Variants in UBASH3B observed in about 807,000 individuals in gnomAD.
UBASH3B encodes the protein ubiquitin associated and SH3 domain containing B.
A neutral mutation model predicts 83.4 loss-of-function variants in UBASH3B; 37 were observed. That is an observed-to-expected ratio of 0.44 (90% CI 0.34 to 0.58). The LOEUF (loss-of-function observed/expected upper bound fraction) is 0.58, where lower values mean the gene tolerates loss of function less well. Ranked by LOEUF, UBASH3B falls within the 20% of genes least tolerant of loss-of-function variation. UBASH3B has a pLI of 0.01. For synonymous variants in UBASH3B, 304 were observed against 318.3 expected (o/e 0.96, Z 0.48); for missense variants, 657 against 827.2 (o/e 0.79, Z 2.52).
chr11:122,808,198 G>A (rs2135193939), intron 13 of UBASH3B, 22 bp downstream of exon 13: 2 of 1,596,696 alleles, frequency 1.3e-6, no homozygotes, highest in African/African-American at 2.7e-5. Flanking sequence ...TCGTACTTTG[G>A]GGTCCGTGAT....
chr11:122,794,236 C>T (rs936287569), intron 6 of UBASH3B, among the ~76,000 whole-genome samples: 2 of 152,032 alleles, frequency 1.3e-5, no homozygotes, highest in Non-Finnish European at 2.9e-5. Flanking sequence ...GACGGGGTTT[C>T]GCCGTATCGC....
At chr11:122,683,614 A>ATAATTAT (rs59877386) in intron 1 of UBASH3B, among the ~76,000 whole-genome samples, 1 of 148,676 alleles carries the variant, frequency 6.7e-6, no homozygotes, top group East Asian at 2.0e-4. Context: ...CAAAAAAAAA[A>ATAATTAT]AAAAATAATA....
At chr11:122,803,484 A>C (rs1446158783) in intron 11 of UBASH3B, among the ~76,000 whole-genome samples, 1 of 152,146 alleles carries the variant, frequency 6.6e-6, no homozygotes, top group Non-Finnish European at 1.5e-5. Context: ...TAGGGAAGCT[A>C]ACCAGGCTGG....
At chr11:122,688,624 TC>T (rs1565529492) in intron 1 of UBASH3B, among the ~76,000 whole-genome samples, 1 of 123,456 alleles carries the variant, frequency 8.1e-6, no homozygotes. Context: ...TTTTTTTCTT[TC>T]TTTTATTTTA....
chr11:122,789,041 C>T (rs1861004531), intron 5 of UBASH3B, 59 bp from the exon 6 acceptor site: 2 of 1,516,588 alleles, frequency 1.3e-6, no homozygotes, highest in Admixed American at 1.7e-5. Context: ...GTCCTGCCCT[C>T]AAGGCGCTCA....
chr11:122,700,321 G>A (rs1864025861), intron 1 of UBASH3B, among the ~76,000 whole-genome samples: 1 of 152,054 alleles, frequency 6.6e-6, no homozygotes, highest in Middle Eastern at 3.2e-3. Flanking sequence ...AGTTACACAT[G>A]GTGAGTCCAT....
chr11:122,731,378 A>C (rs747638874), intron 1 of UBASH3B, among the ~76,000 whole-genome samples: 1 of 152,164 alleles, frequency 6.6e-6, no homozygotes, highest in Non-Finnish European at 1.5e-5. Flanking sequence ...TTTTCACTTA[A>C]ATGGAGAACT....
intron 1 of UBASH3B, among the ~76,000 whole-genome samples, chr11:122,677,564 T>G (rs1432792426): frequency 6.6e-6 from 1 of 152,186 alleles, no homozygotes; most frequent in Non-Finnish European, 1.5e-5. Flanking sequence ...TGTGACTCCT[T>G]GGAGAGATAG....
At chr11:122,782,807 G>C in intron 4 of UBASH3B, 1 of 453,418 alleles carries the variant, frequency 2.2e-6, no homozygotes, top group Non-Finnish European at 3.9e-6. Context: ...ACTGCCCTCA[G>C]CTGACCCGCA....
At chr11:122,808,241 C>A in intron 13 of UBASH3B, 65 bp downstream of exon 13, 1 of 1,242,414 alleles carries the variant, frequency 8.0e-7, no homozygotes, top group Non-Finnish European at 1.2e-6. Context: ...CAGTGACTGG[C>A]TGATTACCAA....
chr11:122,729,975 TAAAAAAAAAAAAA>T (rs34778631), intron 1 of UBASH3B, among the ~76,000 whole-genome samples: 4 of 27,944 alleles, frequency 1.4e-4, no homozygotes, highest in African/African-American at 3.5e-4. Context: ...AGACCCTATC[TAAAAAAAAAAAAA>T]AAAAAAAAAA....
At position 122,677,981 on chromosome 11, in the gene UBASH3B, G is replaced by T. The variant is rs530981136; in HGVS notation, c.161+21771G>T. On this transcript the variant is annotated intron_variant, in intron 1 of 13. Coordinates refer to ENST00000284273, the MANE Select transcript of UBASH3B (RefSeq NM_032873.5). Reference sequence around the variant, plus strand: ...AGTTTTTGTATTTTTAGTAGAGATGGGATTTTGCCATGTTGGCAAGGCTGG... The same window carrying T: ...AGTTTTTGTATTTTTAGTAGAGATGTGATTTTGCCATGTTGGCAAGGCTGG... Among the ~76,000 whole-genome samples, 155 of 152,282 alleles carry T rather than the reference G, an allele frequency of 1.0e-3. 2 individuals are homozygous for T. The highest frequency in any genetic ancestry group is 1.9e-3 in the Non-Finnish European group (128 of 68,034).
intron 1 of UBASH3B, among the ~76,000 whole-genome samples, chr11:122,726,661 T>G (rs972221362): frequency 6.6e-6 from 1 of 152,226 alleles, no homozygotes; most frequent in Non-Finnish European, 1.5e-5. Context: ...TTTATGCAAC[T>G]ATGAGCAAAT....
intron 1 of UBASH3B, among the ~76,000 whole-genome samples, chr11:122,692,697 G>C (rs1231629379): frequency 6.6e-6 from 1 of 152,184 alleles, no homozygotes; most frequent in African/African-American, 2.4e-5. Flanking sequence ...TCATACGATC[G>C]GAGAATATGG....
intron 5 of UBASH3B, among the ~76,000 whole-genome samples, chr11:122,786,651 C>T (rs965709702): frequency 3.3e-5 from 5 of 151,990 alleles, no homozygotes; most frequent in African/African-American, 9.7e-5. Context: ...AGCGAGACTC[C>T]GTCTCACACA....
intron 1 of UBASH3B, among the ~76,000 whole-genome samples, chr11:122,722,749 C>T (rs1341384826): frequency 6.6e-6 from 1 of 151,730 alleles, no homozygotes; most frequent in Admixed American, 6.6e-5. Context: ...TCTGTCCCCC[C>T]GGCTGGAGTG....
chr11:122,738,956 G>A (rs1860980375), intron 1 of UBASH3B, among the ~76,000 whole-genome samples: 1 of 152,062 alleles, frequency 6.6e-6, no homozygotes, highest in South Asian at 2.1e-4. Flanking sequence ...GGATATAAGG[G>A]AGCCATGGAC....
intron 1 of UBASH3B, among the ~76,000 whole-genome samples, chr11:122,670,301 C>T (rs1318069403): frequency 1.3e-5 from 2 of 152,092 alleles, no homozygotes; most frequent in Admixed American, 6.6e-5. Flanking sequence ...CCTATCCCAG[C>T]CTCCACCTGC....
chr11:122,669,790 A>G (rs1863568142), intron 1 of UBASH3B, among the ~76,000 whole-genome samples: 1 of 152,234 alleles, frequency 6.6e-6, no homozygotes, highest in African/African-American at 2.4e-5. Context: ...TACCCATTTT[A>G]CAGATAAGAA....
Sources: gnomAD v4.1 joint callset for allele counts (sites outside exome capture counted in the v4.1 genomes callset) on GRCh38, gnomAD v4.1.1 for gene constraint, MANE v1.5 for transcripts, NCBI Gene and HGNC (gene_info 2026-07-23, HGNC 2026-07-21) for gene names.